Variants in ZNF318 observed in about 807,000 individuals in gnomAD.
The protein encoded by ZNF318 is endocrine regulator.
ZNF318 carries 51 observed loss-of-function variants against 124.2 expected under a neutral mutation model. The ratio of observed to expected loss-of-function variants is 0.41; its 90% CI spans 0.33 to 0.52. The LOEUF (loss-of-function observed/expected upper bound fraction) is 0.52. Among genes scored for constraint, ZNF318 ranks in the 20% least tolerant of loss-of-function variants. ZNF318 has a pLI of 0.23. For missense variants in ZNF318, 2,815 were observed against 2,811.2 expected (o/e 1.00, Z -0.03); for synonymous variants, 1,090 against 1,040.7 (o/e 1.05, Z -0.91).
In ZNF318 at chr6:43,357,381, G is replaced by A. The variant is rs1210594310; in HGVS notation, c.933C>T (p.Leu311=). ...QRRRSPSPRF[L]DPEFRELDLA... is the part of the protein sequence containing the mutation. Reference sequence around the variant, plus strand: ...GATCCAGTTCTCGAAACTCAGGGTCGAGAAACCTAGGACTTGGGCTTCTTC... The same window carrying A: ...GATCCAGTTCTCGAAACTCAGGGTCAAGAAACCTAGGACTTGGGCTTCTTC... Residue 311 remains leucine (L), a synonymous_variant, in exon 3 of 10, where the codon CTC becomes CTT. Transcript: ENST00000361428. 10 of 1,613,984 alleles carry A rather than the reference G, an allele frequency of 6.2e-6. No individual in the cohort carries two copies. Among genetic ancestry groups the A allele is most frequent in the Admixed American group, 3.3e-5 (2 of 59,992 alleles).
chr6:43,346,524 CAAAAAAA>C (rs59587962), intron 6 of ZNF318, among the ~76,000 whole-genome samples: 3 of 104,580 alleles, frequency 2.9e-5, no homozygotes, highest in African/African-American at 7.1e-5. Context: ...CATCTTTAAC[CAAAAAAA>C]AAAAAAAAAA....
chr6:43,369,626 G>A lies in ZNF318; in HGVS notation c.-261C>T, dbSNP rs545887241. ...CCGGGGTTCCCCGCTCCTCCACTCA[G>A]GGAGCGGCCGCAGGAACCAAGAAAA... is the stretch of plus-strand genomic sequence containing the variant. On this transcript the variant is annotated 5_prime_UTR_variant, in exon 1 of 10. Coordinates refer to ENST00000361428, the MANE Select transcript of ZNF318 (RefSeq NM_014345.3). The A allele has an allele frequency of 6.5e-6, 1 of 153,778 alleles. No individual in the cohort carries two copies. Among genetic ancestry groups the A allele is most frequent in the South Asian group, 2.1e-4 (1 of 4,844 alleles). The allele number at this position is 153,778 out of a possible 1,614,324, so 9.5% of individuals were successfully genotyped here.
At chr6:43,361,649 T>C (rs559382610) in intron 2 of ZNF318, among the ~76,000 whole-genome samples, 1 of 152,302 alleles carries the variant, frequency 6.6e-6, no homozygotes, top group South Asian at 2.1e-4. Flanking sequence ...ACAGGAGAAA[T>C]CAACCTAACA....
In ZNF318 at chr6:43,357,537, G is replaced by A; in HGVS notation, c.777C>T (p.Gly259=). Residue 259 remains glycine, a synonymous_variant, in exon 3 of 10, where the codon GGC becomes GGT. Coordinates refer to ENST00000361428, the MANE Select transcript of ZNF318 (RefSeq NM_014345.3). The stretch of plus-strand genomic sequence containing the variant: ...TCCTTTCTTCAGATCGTATGGAGTA[G>A]CCTTTGAGTTTTTCTCGATTCCGTT... The part of the protein sequence containing the change: ...GTERNREKLK[G]YSIRSEERSR... 6.2e-7 allele frequency: 1 copy of A among 1,614,152 alleles called. No homozygotes were observed.
rs1779809051 is a variant in ZNF318, at chr6:43,369,469, T to C, written c.-104A>G. ...CTGCAGCCGCCGCCACCTCGGCCGC[T>C]GCGCGCCGCCTCAGCCGCGGGAGCA... On this transcript the variant is annotated 5_prime_UTR_variant, in exon 1 of 10. Transcript: ENST00000361428. 1 of 967,466 alleles carries C rather than the reference T, an allele frequency of 1.0e-6. No homozygotes were observed. The highest frequency in any genetic ancestry group is 1.3e-6 in the Non-Finnish European group (1 of 782,898). 59.9% of individuals were successfully genotyped at this position (967,466 alleles called of 1,614,324 possible). A position where few individuals can be genotyped will look rare whatever the true frequency, so the allele number is the denominator to read the frequency against.
Position 43,339,752 on chromosome 6 carries a change from T to C in ZNF318, c.4246A>G (p.Ile1416Val). 1 of 1,614,118 alleles carries C rather than the reference T, an allele frequency of 6.2e-7. No individual in the cohort carries two copies. Among genetic ancestry groups the C allele is most frequent in the Non-Finnish European group, 8.5e-7 (1 of 1,180,022 alleles). ...TTTTCCTCTGGAGACCCTTTTAGAA[T>C]CACCTCTTCCCCTCCAAATGCTTTG... ...ISKAFGGEEV[I>V]LKGSPEEKVV... The change falls in exon 10 of 10, where the codon ATT (isoleucine) becomes GTT (valine). Residue 1416 changes from isoleucine to valine, a missense_variant. By Grantham distance (29) the Ile-to-Val change is conservative. Transcript: ENST00000361428. The surrounding 1 kb of genome is among the most constrained non-coding windows in gnomAD (Gnocchi z 4.2).
chr6:43,367,756 A>G (rs568179597), intron 1 of ZNF318, among the ~76,000 whole-genome samples: 10 of 152,372 alleles, frequency 6.6e-5, no homozygotes, highest in Non-Finnish European at 7.3e-5. Flanking sequence ...GGCACTGCTC[A>G]ACTGGAAATC....
chr6:43,338,623 A>G lies in ZNF318; in HGVS notation c.5375T>C (p.Ile1792Thr). 1 of 1,614,094 alleles carries G rather than the reference A, an allele frequency of 6.2e-7. No individual in the cohort carries two copies. Among genetic ancestry groups the G allele is most frequent in the Non-Finnish European group, 8.5e-7 (1 of 1,180,012 alleles). Residue 1792 changes from isoleucine to threonine, a missense_variant, in exon 10 of 10, where the codon ATA becomes ACA. Around this residue, in one of 4 missense-constraint regions of ZNF318, gnomAD observed 927 missense variants for 820.6 expected, o/e 1.13. Transcript: ENST00000361428. ...GCTGGTACTTACTCCCTCATCAACT[A>G]TCCCCTCAGACAGCTCCTTTACCCT... The part of the protein sequence containing the change: ...KERVKELSEG[I>T]VDEGVSTSIG...
rs2150754520 is a variant in ZNF318 at position 43,355,445 on chromosome 6, G to T, written c.1889C>A (p.Ala630Asp). 1 of 1,614,184 alleles carries T rather than the reference G, an allele frequency of 6.2e-7. No individual in the cohort carries two copies. The highest frequency in any genetic ancestry group is 8.5e-7 in the Non-Finnish European group (1 of 1,179,996). The change falls in exon 4 of 10, where the codon GCT (alanine) becomes GAT (aspartate). Residue 630 changes from alanine to aspartate, a missense_variant. Ala to Asp is a moderately radical substitution (Grantham distance 126). This residue lies in a region of ZNF318 where 1,377 missense variants were observed against 1,353.5 expected (regional missense o/e 1.02). Transcript: ENST00000361428. ...HGKKPSLRSS[A>D]DRRSSVDRYF... ...TCGGTCAACTGAGGAACGGCGGTCA[G>T]CTGAGGAGCGTAATGATGGCTTCTT...
At position 43,369,515 on chromosome 6, in the gene ZNF318, C is replaced by A; in HGVS notation, c.-150G>T. 1 of 524,808 alleles carries A rather than the reference C, an allele frequency of 1.9e-6. No individual in the cohort carries two copies. Among genetic ancestry groups the A allele is most frequent in the Admixed American group, 6.2e-5 (1 of 16,134 alleles). The allele number at this position is 524,808 out of a possible 1,614,324, so 32.5% of individuals were successfully genotyped here. A position where few individuals can be genotyped will look rare whatever the true frequency, so the allele number is the denominator to read the frequency against. On this transcript the variant is annotated 5_prime_UTR_variant, in exon 1 of 10. Coordinates refer to ENST00000361428, the MANE Select transcript of ZNF318 (RefSeq NM_014345.3). The stretch of plus-strand genomic sequence containing the variant: ...GAGCAGCCCCCTCCCCTCGGCCCCG[C>A]GTCGCCCCGGGGGCCCGGCCGAGCG...
Position 43,338,645 on chromosome 6 carries a change from C to A in ZNF318, c.5353G>T (p.Val1785Leu), listed in dbSNP as rs779578227. ...ACTATCCCCTCAGACAGCTCCTTTACCCTTTCTTTTAGTTCAGTGTTTGTC... is the reference window on the plus strand; with the variant it reads ...ACTATCCCCTCAGACAGCTCCTTTAACCTTTCTTTTAGTTCAGTGTTTGTC... ...IETNTELKER[V>L]KELSEGIVDE... is the part of the protein sequence containing the mutation. Residue 1785 changes from valine (V) to leucine (L), a missense_variant, in exon 10 of 10, where the codon GTA (valine) becomes TTA (leucine). Coordinates refer to ENST00000361428, the MANE Select transcript of ZNF318 (RefSeq NM_014345.3). 6.2e-7 allele frequency: 1 copy of A among 1,614,182 alleles called. No homozygotes were observed. The highest frequency in any genetic ancestry group is 1.7e-5 in the Admixed American group (1 of 60,026).
At position 43,355,970 on chromosome 6, in the gene ZNF318, G is replaced by A; in HGVS notation, c.1364C>T (p.Pro455Leu). The change falls in exon 4 of 10, where the codon CCC (proline) becomes CTC (leucine). Residue 455 changes from proline (P) to leucine (L), a missense_variant. Pro to Leu is a moderately conservative substitution (Grantham distance 98). Coordinates refer to ENST00000361428, the MANE Select transcript of ZNF318 (RefSeq NM_014345.3). Reference sequence around the variant, plus strand: ...GTTGTCTTTGGGAATCCCAGGAAGGGGACCCCATTGGTAGAGGTTGCCCTG... The same window carrying A: ...GTTGTCTTTGGGAATCCCAGGAAGGAGACCCCATTGGTAGAGGTTGCCCTG... ...EPQGNLYQWGPLPGIPKDNSP... is the reference protein window; with the variant it reads ...EPQGNLYQWGLLPGIPKDNSP... 6.2e-7 allele frequency: 1 copy of A among 1,614,204 alleles called. No individual in the cohort carries two copies. Among genetic ancestry groups the A allele is most frequent in the Non-Finnish European group, 8.5e-7 (1 of 1,180,040 alleles).
chr6:43,345,878 G>A (rs370738575), intron 6 of ZNF318, among the ~76,000 whole-genome samples: 5 of 151,874 alleles, frequency 3.3e-5, no homozygotes, highest in African/African-American at 9.7e-5. Flanking sequence ...AGGCTGAGGC[G>A]GGAGGATCAT....
Position 43,354,887 on chromosome 6 carries a change from G to C in ZNF318, c.2447C>G (p.Pro816Arg). The C allele has an allele frequency of 6.2e-7, 1 of 1,613,782 alleles. No homozygotes were observed. Among genetic ancestry groups the C allele is most frequent in the Non-Finnish European group, 8.5e-7 (1 of 1,179,684 alleles). ...PTSQPSNHPVPEPHRIMPITK... is the reference protein window; with the variant it reads ...PTSQPSNHPVREPHRIMPITK... Reference sequence around the variant, plus strand: ...TATTGGCATTATCCTGTGTGGTTCAGGTACAGGGTGGTTTGACGGTTGAGA... The same window carrying C: ...TATTGGCATTATCCTGTGTGGTTCACGTACAGGGTGGTTTGACGGTTGAGA... Residue 816 changes from proline (P) to arginine (R), a missense_variant, in exon 4 of 10, where the codon CCT becomes CGT. Transcript: ENST00000361428.
At position 43,340,676 on chromosome 6, in the gene ZNF318, G is replaced by A. The variant is rs546554325; in HGVS notation, c.3495+114C>T. The A allele has an allele frequency of 9.4e-5, 143 of 1,515,904 alleles. No homozygotes were observed. The South Asian group carries it at 1.5e-3, about 16-fold the overall frequency. The allele number at this position is 1,515,904 out of a possible 1,614,324, so 93.9% of individuals were successfully genotyped here. A position where few individuals can be genotyped will look rare whatever the true frequency, so the allele number is the denominator to read the frequency against. ...CACTAGGATTGAGGAGAACTTAGAG[G>A]TTATATGGAATTTGAAGTGTCAATG... On this transcript the variant is annotated intron_variant, in intron 9 of 9. Coordinates refer to ENST00000361428, the MANE Select transcript of ZNF318 (RefSeq NM_014345.3).
chr6:43,359,151 A>C (rs944080140), intron 2 of ZNF318, among the ~76,000 whole-genome samples: 4 of 152,168 alleles, frequency 2.6e-5, no homozygotes, highest in African/African-American at 9.7e-5. Context: ...TCACATATTA[A>C]AACCCATAAA....
rs775712825 is a variant in ZNF318 at position 43,339,912 on chromosome 6, T to C, written c.4086A>G (p.Ser1362=). The C allele has an allele frequency of 8.7e-6, 14 of 1,614,036 alleles. No homozygotes were observed. Among genetic ancestry groups the C allele is most frequent in the Non-Finnish European group, 1.1e-5 (13 of 1,180,030 alleles). ...LPIPSTVLRK[S]CSATMSKPAP... is the part of the protein sequence containing the mutation. The stretch of plus-strand genomic sequence containing the variant: ...CTGGCTTGCTCATTGTGGCTGAACA[T>C]GACTTGCGGAGTACTGTGGATGGAA... Residue 1362 remains serine, a synonymous_variant, in exon 10 of 10, where the codon TCA becomes TCG. Coordinates refer to ENST00000361428, the MANE Select transcript of ZNF318 (RefSeq NM_014345.3). This position sits in a 1 kb window ranked among gnomAD's most constrained non-coding sequence, Gnocchi z 4.2.
intron 2 of ZNF318, among the ~76,000 whole-genome samples, chr6:43,358,245 G>A (rs1779637681): frequency 6.6e-6 from 1 of 151,976 alleles, no homozygotes; most frequent in African/African-American, 2.4e-5. Flanking sequence ...CCAGATCAAT[G>A]GGATTTTTTT....
In ZNF318 at chr6:43,355,309, T is replaced by A. The variant is rs774843515; in HGVS notation, c.2025A>T (p.Arg675Ser). 3.1e-6 allele frequency: 5 copies of A among 1,614,118 alleles called. No individual in the cohort carries two copies. In the South Asian group the frequency reaches 5.5e-5, roughly 18 times the overall value. The stretch of plus-strand genomic sequence containing the variant: ...TATGATGTGCCTCCCTGCTCTCTAG[T>A]CTGTGGGGATCTGAGGAACGTCGAT... ...SADRRSSDPHRLESREAHHSN... is the reference protein window; with the variant it reads ...SADRRSSDPHSLESREAHHSN... Residue 675 changes from arginine (R) to serine (S), a missense_variant, in exon 4 of 10, where the codon AGA (arginine) becomes AGT (serine). By Grantham distance (110) the Arg-to-Ser change is moderately radical (BLOSUM62 -1). Transcript: ENST00000361428.
Sources: gnomAD v4.1 joint callset for allele counts (sites outside exome capture counted in the v4.1 genomes callset) on GRCh38, gnomAD v4.1.1 for gene constraint, gnomAD v4.1.1 regional missense constraint, Gnocchi (gnomAD v3.1) non-coding constraint, MANE v1.5 for transcripts, NCBI Gene and HGNC (gene_info 2026-07-23, HGNC 2026-07-21) for gene names.